Variants in BCL2 observed in about 807,000 individuals in gnomAD.
BCL2 encodes apoptosis regulator Bcl-2.
Under a neutral mutation model 14.2 loss-of-function variants are expected in BCL2, and 1 was observed. That is an observed-to-expected ratio of 0.07 (90% confidence interval 0.02 to 0.33). BCL2 has a LOEUF of 0.33. Among genes scored for constraint, BCL2 ranks in the 10% least tolerant of loss-of-function variants. The pLI, the probability that BCL2 is intolerant of heterozygous loss-of-function variation, is 0.99. For synonymous variants in BCL2, 151 were observed against 137.2 expected (o/e 1.10, Z -0.70); for missense variants, 247 against 305.9 (o/e 0.81, Z 1.44).
At chr18:63,272,124 A>G (rs546660180) in intron 2 of BCL2, among the ~76,000 whole-genome samples, 13 of 152,338 alleles carry the variant, frequency 8.5e-5, no homozygotes, top group Admixed American at 7.2e-4. Flanking sequence ...GACTGACTCC[A>G]TATGCGGGAG....
intron 2 of BCL2, among the ~76,000 whole-genome samples, chr18:63,285,910 G>C (rs1443164138): frequency 6.6e-6 from 1 of 152,158 alleles, no homozygotes; most frequent in Non-Finnish European, 1.5e-5. Flanking sequence ...GTGATGGAGG[G>C]GCAGGTATAG....
At chr18:63,300,739 G>C (rs566813884) in intron 2 of BCL2, among the ~76,000 whole-genome samples, 1 of 152,046 alleles carries the variant, frequency 6.6e-6, no homozygotes, top group African/African-American at 2.4e-5. Flanking sequence ...CCTGTGCTAC[G>C]ATCCAGCGAG....
intron 2 of BCL2, among the ~76,000 whole-genome samples, chr18:63,294,065 G>A (rs1912729972): frequency 6.6e-6 from 1 of 152,004 alleles, no homozygotes; most frequent in South Asian, 2.1e-4. Context: ...GAATAATTCA[G>A]CGCCTTATTT....
At chr18:63,165,644 G>A (rs577617480) in intron 2 of BCL2, among the ~76,000 whole-genome samples, 1 of 152,184 alleles carries the variant, frequency 6.6e-6, no homozygotes, top group Non-Finnish European at 1.5e-5. Flanking sequence ...TGACTCCTTG[G>A]GGGTGAAGGC....
chr18:63,279,156 C>T (rs1912239138), intron 2 of BCL2, among the ~76,000 whole-genome samples: 1 of 152,150 alleles, frequency 6.6e-6, no homozygotes, highest in South Asian at 2.1e-4. Flanking sequence ...AAACAAGACA[C>T]AACAAGTGCC....
At chr18:63,297,011 G>A (rs1422860633) in intron 2 of BCL2, among the ~76,000 whole-genome samples, 2 of 152,156 alleles carry the variant, frequency 1.3e-5, no homozygotes, top group African/African-American at 4.8e-5. Context: ...AGGAGATTGA[G>A]ACCATCTTGG....
intron 2 of BCL2, chr18:63,314,830 C>A (rs181085784): frequency 6.6e-6 from 1 of 152,236 alleles, no homozygotes; most frequent in African/African-American, 2.4e-5. Context: ...TTTAATGGGA[C>A]CAGTGATGCC....
intron 2 of BCL2, among the ~76,000 whole-genome samples, chr18:63,274,790 G>A (rs1440901885): frequency 6.6e-6 from 1 of 152,134 alleles, no homozygotes; most frequent in Non-Finnish European, 1.5e-5. Context: ...TCCCCCAAAT[G>A]AAGAAGCTTT....
chr18:63,227,384 T>G (rs899476864), intron 2 of BCL2, among the ~76,000 whole-genome samples: 3 of 152,230 alleles, frequency 2.0e-5, no homozygotes, highest in Admixed American at 1.3e-4. Flanking sequence ...ATTTTTTGTA[T>G]TTTTGGTAGA....
At chr18:63,225,066 G>C (rs1014576822) in intron 2 of BCL2, among the ~76,000 whole-genome samples, 2 of 152,076 alleles carry the variant, frequency 1.3e-5, no homozygotes, top group African/African-American at 4.8e-5. Flanking sequence ...AGAACTGACA[G>C]ATTACTAATG....
chr18:63,303,085 G>A (rs1599301327), intron 2 of BCL2, among the ~76,000 whole-genome samples: 1 of 152,284 alleles, frequency 6.6e-6, no homozygotes, highest in East Asian at 1.9e-4. Flanking sequence ...CTAAGGTCAT[G>A]CCTAAAATAA....
intron 2 of BCL2, among the ~76,000 whole-genome samples, chr18:63,291,618 C>G (rs534134194): frequency 2.0e-4 from 31 of 152,206 alleles, no homozygotes; most frequent in African/African-American, 7.5e-4. Context: ...GACTCGGGAA[C>G]ACATGAAAGA....
chr18:63,138,962 A>T (rs1914282222), intron 2 of BCL2, among the ~76,000 whole-genome samples: 1 of 152,252 alleles, frequency 6.6e-6, no homozygotes, highest in Non-Finnish European at 1.5e-5. Flanking sequence ...ACAGTTTGAA[A>T]ATAATGTGCA....
At chr18:63,218,655 A>T in intron 2 of BCL2, among the ~76,000 whole-genome samples, 2 of 134,324 alleles carry the variant, frequency 1.5e-5, no homozygotes, top group South Asian at 2.4e-4. Context: ...TCCTCCACTC[A>T]TCCCCATCCT....
intron 2 of BCL2, among the ~76,000 whole-genome samples, chr18:63,218,867 G>C (rs1269360317): frequency 7.8e-6 from 1 of 127,770 alleles, no homozygotes; most frequent in East Asian, 2.3e-4. Context: ...TCTCCACCTT[G>C]GCCCTTCCTT....
intron 2 of BCL2, among the ~76,000 whole-genome samples, chr18:63,204,881 T>C (rs1439951176): frequency 6.6e-6 from 1 of 152,146 alleles, no homozygotes; most frequent in Non-Finnish European, 1.5e-5. Context: ...CTGCCTTTTG[T>C]GTAAGAAAGG....
At chr18:63,251,251 A>C (rs1008833438) in intron 2 of BCL2, among the ~76,000 whole-genome samples, 3 of 152,092 alleles carry the variant, frequency 2.0e-5, no homozygotes, top group African/African-American at 7.2e-5. Context: ...AGTGTGTCTT[A>C]TTATGCAGAG....
chr18:63,273,633 G>C (rs553868924), intron 2 of BCL2, among the ~76,000 whole-genome samples: 1 of 152,104 alleles, frequency 6.6e-6, no homozygotes, highest in Non-Finnish European at 1.5e-5. Flanking sequence ...CTCATTTTTC[G>C]TGTCTATGAA....
At chr18:63,252,828 G>A (rs1269208337) in intron 2 of BCL2, among the ~76,000 whole-genome samples, 1 of 152,112 alleles carries the variant, frequency 6.6e-6, no homozygotes, top group African/African-American at 2.4e-5. Flanking sequence ...AAATTTGATG[G>A]GGTCAGTTCT....
Sources: gnomAD v4.1 joint callset for allele counts (sites outside exome capture counted in the v4.1 genomes callset) on GRCh38, gnomAD v4.1.1 for gene constraint, MANE v1.5 for transcripts, NCBI Gene and HGNC (gene_info 2026-07-23, HGNC 2026-07-21) for gene names.